Variants in LHPP observed in about 807,000 individuals in gnomAD.
The protein encoded by LHPP is phospholysine phosphohistidine inorganic pyrophosphate phosphatase.
LHPP carries 24 observed loss-of-function variants against 30.3 expected under a neutral mutation model. That is an observed-to-expected ratio of 0.79 (90% CI 0.57 to 1.11). The LOEUF is 1.11. Among genes scored for constraint, LHPP ranks in the 50% most tolerant of loss-of-function variants. The probability of loss-of-function intolerance (pLI) is 0.00; values close to 1 mark genes in which losing one functional copy is unlikely to be tolerated. For missense variants in LHPP, 356 were observed against 367.2 expected, an observed-to-expected ratio of 0.97 and a Z score of 0.25; for synonymous variants, 150 against 157.1, an observed-to-expected ratio of 0.95 and a Z score of 0.34.
rs781416598 is a variant in LHPP, at chr10:124,467,065, C to T, written c.125+5078C>T. ...CCTGAGCCCAGGAGTTTGAGGCTGC[C>T]GTGAGCTATGAATGTGCTACTGCAC... is the stretch of plus-strand genomic sequence containing the variant. On this transcript the variant is annotated intron_variant, in intron 1 of 6. Transcript: ENST00000368842. 2.8e-4 allele frequency among the ~76,000 whole-genome samples: 42 copies of T among 151,434 alleles called. 1 individual carries two copies. Among genetic ancestry groups the T allele is most frequent in the Non-Finnish European group, 5.3e-4 (36 of 67,844 alleles).
intron 6 of LHPP, among the ~76,000 whole-genome samples, chr10:124,543,157 G>A (rs988707652): frequency 6.6e-6 from 1 of 152,184 alleles, no homozygotes; most frequent in Non-Finnish European, 1.5e-5. Flanking sequence ...GAGAGAAAAT[G>A]CCCCCGTTCC....
At chr10:124,528,730 G>C (rs868310700) in intron 6 of LHPP, among the ~76,000 whole-genome samples, 1 of 152,200 alleles carries the variant, frequency 6.6e-6, no homozygotes, top group African/African-American at 2.4e-5. Flanking sequence ...TCCTCTGTTA[G>C]TCCCCTGGTC....
intron 6 of LHPP, among the ~76,000 whole-genome samples, chr10:124,543,577 G>A (rs980443602): frequency 8.4e-5 from 12 of 143,458 alleles, no homozygotes; most frequent in East Asian, 3.9e-4. Flanking sequence ...GCCACTAGCC[G>A]TGAGGAGTTC....
intron 6 of LHPP, among the ~76,000 whole-genome samples, chr10:124,601,250 T>C (rs1211258359): frequency 1.3e-5 from 2 of 152,200 alleles, no homozygotes; most frequent in African/African-American, 4.8e-5. Context: ...CTTGCCCCTT[T>C]CAAGGAAGCA....
chr10:124,568,450 T>C (rs552721225), intron 6 of LHPP, among the ~76,000 whole-genome samples: 1 of 152,312 alleles, frequency 6.6e-6, no homozygotes, highest in South Asian at 2.1e-4. Flanking sequence ...CTTTGCTTTA[T>C]GGAGGTGAAA....
At chr10:124,508,694 T>A (rs1284753987) in intron 5 of LHPP, among the ~76,000 whole-genome samples, 1 of 152,018 alleles carries the variant, frequency 6.6e-6, no homozygotes, top group African/African-American at 2.4e-5. Context: ...TAAGAAAAAT[T>A]CAGGAAAGTA....
chr10:124,613,270 T>C lies in LHPP; in HGVS notation c.723T>C (p.Ser241=), dbSNP rs745864408. 1 of 1,613,180 alleles carries C rather than the reference T, an allele frequency of 6.2e-7. No individual in the cohort carries two copies. The highest frequency in any genetic ancestry group is 1.1e-5 in the South Asian group (1 of 91,076). ...LQVRTGKFRP[S]DEHHPEVKAD... ...CTCCGGCCATCCTCTCCAGGCCCAG[T>C]GACGAGCACCATCCGGAAGTGAAGG... The change falls in exon 7 of 7, where the codon AGT becomes AGC. Residue 241 remains serine, a synonymous_variant. Transcript: ENST00000368842.
At position 124,517,291 on chromosome 10, in the gene LHPP, A is replaced by G; in HGVS notation, c.716+20A>G. ...GTTCAGGTCAGTGCCAGCTGGAGTC[A>G]TTTATTCACCTTCCTTCCAGGGGAT... On this transcript the variant is annotated intron_variant, in intron 6 of 6. Transcript: ENST00000368842. This position sits in a 1 kb window ranked among gnomAD's most constrained non-coding sequence, Gnocchi z 4.1. The G allele has an allele frequency of 1.3e-6, 2 of 1,501,566 alleles. No individual in the cohort carries two copies. Among genetic ancestry groups the G allele is most frequent in the South Asian group, 2.5e-5 (2 of 80,940 alleles). The allele number at this position is 1,501,566 out of a possible 1,614,324, so 93.0% of individuals were successfully genotyped here. A position where few individuals can be genotyped will look rare whatever the true frequency, so the allele number is the denominator to read the frequency against.
At chr10:124,597,567 C>T (rs1375959783) in intron 6 of LHPP, among the ~76,000 whole-genome samples, 2 of 152,234 alleles carry the variant, frequency 1.3e-5, no homozygotes, top group Non-Finnish European at 2.9e-5. Context: ...AGCAAGGGCA[C>T]CCAGAGCACT....
At chr10:124,536,986 AT>A (rs1000108611) in intron 6 of LHPP, among the ~76,000 whole-genome samples, 1 of 152,208 alleles carries the variant, frequency 6.6e-6, no homozygotes, top group African/African-American at 2.4e-5. Context: ...AGCATATGTA[AT>A]ATATAAATAA....
At position 124,613,439 on chromosome 10, in the gene LHPP, C is replaced by G; in HGVS notation, c.*79C>G. On this transcript the variant is annotated 3_prime_UTR_variant, in exon 7 of 7. Coordinates refer to ENST00000368842, the MANE Select transcript of LHPP (RefSeq NM_022126.4). Reference sequence around the variant, plus strand: ...CCTCCCCTCCACCCCTGCCTCTCCTCCACCCGCCCAGGAGAGCCCCACCTC... The same window carrying G: ...CCTCCCCTCCACCCCTGCCTCTCCTGCACCCGCCCAGGAGAGCCCCACCTC... The G allele has an allele frequency of 1.0e-6, 1 of 980,534 alleles. No homozygotes were observed. Among genetic ancestry groups the G allele is most frequent in the Non-Finnish European group, 1.6e-6 (1 of 639,798 alleles). 60.7% of individuals were successfully genotyped at this position (980,534 alleles called of 1,614,324 possible).
intron 6 of LHPP, among the ~76,000 whole-genome samples, chr10:124,550,825 G>A (rs1405997093): frequency 1.3e-5 from 2 of 152,192 alleles, no homozygotes; most frequent in East Asian, 3.8e-4. Context: ...TGGGACAGCT[G>A]AGCCCTCCTG....
intron 6 of LHPP, among the ~76,000 whole-genome samples, chr10:124,606,035 C>A (rs1209854686): frequency 6.6e-6 from 1 of 152,182 alleles, no homozygotes; most frequent in Non-Finnish European, 1.5e-5. Flanking sequence ...GGCTCCTGCG[C>A]AAGGATGGGG....
chr10:124,507,064 GGGTAGA>G (rs1291387000), intron 5 of LHPP, among the ~76,000 whole-genome samples: 4 of 26,012 alleles, frequency 1.5e-4, no homozygotes, highest in Non-Finnish European at 2.2e-4. Flanking sequence ...TCAGGTGTAG[GGGTAGA>G]CAGGATTTCA....
chr10:124,569,271 T>G (rs962193683), intron 6 of LHPP, among the ~76,000 whole-genome samples: 5 of 152,164 alleles, frequency 3.3e-5, no homozygotes, highest in Admixed American at 1.3e-4. Flanking sequence ...GGGATTTTTT[T>G]CTCTCCCTAG....
intron 1 of LHPP, among the ~76,000 whole-genome samples, chr10:124,482,331 G>T (rs999609174): frequency 1.3e-5 from 2 of 152,184 alleles, no homozygotes; most frequent in African/African-American, 4.8e-5. Flanking sequence ...TGAAAGAATA[G>T]GTGAAGAGCC....
chr10:124,602,183 G>A (rs761269340), intron 6 of LHPP, among the ~76,000 whole-genome samples: 26 of 152,214 alleles, frequency 1.7e-4, no homozygotes, highest in Non-Finnish European at 8.8e-5. Context: ...ATTCTTGTGC[G>A]AGGGAGACGA....
In LHPP at chr10:124,596,579, G is replaced by A. The variant is rs1948945427; in HGVS notation, c.717-16685G>A. Among the ~76,000 whole-genome samples, 1 of 152,188 alleles carries A rather than the reference G, an allele frequency of 6.6e-6. No homozygotes were observed. ...CTTGGAGAGCTGTGGAGGTAGCACA[G>A]CTGCATCTCTAGGTTGGGGCCACTC... On this transcript the variant is annotated intron_variant, in intron 6 of 6. Transcript: ENST00000368842. The surrounding 1 kb of genome is among the most constrained non-coding windows in gnomAD (Gnocchi z 4.6).
At chr10:124,509,099 C>T (rs1954236881) in intron 5 of LHPP, among the ~76,000 whole-genome samples, 1 of 152,096 alleles carries the variant, frequency 6.6e-6, no homozygotes, top group Non-Finnish European at 1.5e-5. Context: ...TATTTAGCCC[C>T]CACTTATAAG....
Sources: allele counts gnomAD v4.1 joint callset (sites outside exome capture counted in the v4.1 genomes callset), GRCh38; gene constraint gnomAD v4.1.1; non-coding constraint Gnocchi (gnomAD v3.1); transcripts MANE v1.5; gene names NCBI Gene and HGNC (gene_info 2026-07-23, HGNC 2026-07-21).